Variants in MGAT5 observed in about 807,000 individuals in gnomAD.
MGAT5 encodes the protein alpha-1,6-mannosylglycoprotein 6-beta-N-acetylglucosaminyltransferase A.
Under a neutral mutation model 94.3 loss-of-function variants are expected in MGAT5, and 30 were observed. The ratio of observed to expected loss-of-function variants is 0.32; its 90% CI spans 0.24 to 0.43. The LOEUF (loss-of-function observed/expected upper bound fraction) is 0.43. Among genes scored for constraint, MGAT5 ranks in the 20% least tolerant of loss-of-function variants. MGAT5 has a pLI of 1.00. For missense variants in MGAT5, 691 were observed against 905.5 expected (o/e 0.76, Z 3.04); for synonymous variants, 310 against 322.9 (o/e 0.96, Z 0.43).
intron 1 of MGAT5, among the ~76,000 whole-genome samples, chr2:134,145,321 C>T (rs1573738824): frequency 1.3e-5 from 2 of 151,876 alleles, no homozygotes. Flanking sequence ...CTGAGGCAGG[C>T]AGATCACGAA....
At chr2:134,220,970 A>G (rs1305577280) in intron 1 of MGAT5, among the ~76,000 whole-genome samples, 1 of 151,994 alleles carries the variant, frequency 6.6e-6, no homozygotes, top group Non-Finnish European at 1.5e-5. Context: ...TTTACTTTTT[A>G]ATTAGTTTTC....
intron 1 of MGAT5, among the ~76,000 whole-genome samples, chr2:134,149,028 G>C (rs920209111): frequency 6.6e-6 from 1 of 152,102 alleles, no homozygotes; most frequent in Non-Finnish European, 1.5e-5. Flanking sequence ...GCCTTCCAAA[G>C]TGCTGGGATT....
At chr2:134,245,611 T>C (rs1682212431) in intron 1 of MGAT5, among the ~76,000 whole-genome samples, 1 of 152,214 alleles carries the variant, frequency 6.6e-6, no homozygotes, top group Non-Finnish European at 1.5e-5. Flanking sequence ...CCCTTCCTCC[T>C]CTGCTTCTCC....
chr2:134,121,069 C>A (rs1685556439), intron 1 of MGAT5, among the ~76,000 whole-genome samples: 1 of 152,166 alleles, frequency 6.6e-6, no homozygotes, highest in African/African-American at 2.4e-5. Context: ...CCACTCCCGG[C>A]CCTCAGCTCG....
intron 14 of MGAT5, among the ~76,000 whole-genome samples, chr2:134,435,544 G>A (rs1005812001): frequency 6.6e-6 from 1 of 152,086 alleles, no homozygotes; most frequent in African/African-American, 2.4e-5. Context: ...CTCCCTCGCT[G>A]AATGCAAGCC....
chr2:134,298,347 C>T (rs1685812955), intron 2 of MGAT5, among the ~76,000 whole-genome samples: 3 of 152,184 alleles, frequency 2.0e-5, no homozygotes, highest in African/African-American at 7.2e-5. Context: ...ATCTACCTGC[C>T]TCGGCCTCCC....
At position 134,295,066 on chromosome 2, in the gene MGAT5, G is replaced by A. The variant is rs181930703; in HGVS notation, c.407-22463G>A. Among the ~76,000 whole-genome samples, 5 of 152,286 alleles carry A rather than the reference G, an allele frequency of 3.3e-5. No individual in the cohort carries two copies. The East Asian group carries it at 9.7e-4, about 29-fold the overall frequency. ...ACCCTTTCTGTAGAAAGTAAAAATG[G>A]CCTTGCTAAGGAAATTAAATTTATG... On this transcript the variant is annotated intron_variant, in intron 2 of 15. Coordinates refer to ENST00000281923, the MANE Select transcript of MGAT5 (RefSeq NM_002410.5).
chr2:134,308,366 C>A (rs1343780267), intron 2 of MGAT5, among the ~76,000 whole-genome samples: 2 of 152,170 alleles, frequency 1.3e-5, no homozygotes, highest in Non-Finnish European at 2.9e-5. Flanking sequence ...ACACGATAAT[C>A]CAGTAGTGAG....
chr2:134,129,067 A>G (rs1412624725), intron 1 of MGAT5, among the ~76,000 whole-genome samples: 2 of 152,234 alleles, frequency 1.3e-5, no homozygotes, highest in African/African-American at 4.8e-5. Flanking sequence ...AAAGCCACAC[A>G]CATTTATTCT....
rs137892487 is a variant in MGAT5 at position 134,265,458 on chromosome 2, A to C, written c.242-4928A>C. On this transcript the variant is annotated intron_variant, in intron 1 of 15. Transcript: ENST00000281923. The stretch of plus-strand genomic sequence containing the variant: ...ATGGCTTCCTGGAAATGAAAACTTA[A>C]CAGAAGCTGTCAAATAACCTGTTCC... Among the ~76,000 whole-genome samples the C allele has an allele frequency of 2.9e-3, 438 of 152,296 alleles. 1 individual carries two copies. The highest frequency in any genetic ancestry group is 9.0e-3 in the African/African-American group (375 of 41,556).
intron 10 of MGAT5, among the ~76,000 whole-genome samples, chr2:134,399,554 G>A (rs991882554): frequency 3.3e-5 from 5 of 152,202 alleles, no homozygotes; most frequent in African/African-American, 1.2e-4. Flanking sequence ...AAAGCATTAG[G>A]GGGGTTGCTG....
chr2:134,119,963 G>C (rs1685483465), upstream of MGAT5: 1 of 152,356 alleles, frequency 6.6e-6, no homozygotes, highest in East Asian at 1.9e-4. Flanking sequence ...GCGGGGAGAA[G>C]TTGGTGAGGT....
rs552303070 is a variant in MGAT5 at position 134,226,208 on chromosome 2, G to GTT, written c.-142-28053_-142-28052dup. On this transcript the variant is annotated intron_variant, in intron 1 of 16. Coordinates refer to the MGAT5 transcript ENST00000409645. ...AAAGCTTTTCCTTCCAAATTGCCTA[G>GTT]TTGATGCATGGTCACTAATCCTTGT... Among the ~76,000 whole-genome samples the GTT allele has an allele frequency of 5.9e-5, 9 of 152,292 alleles. No individual in the cohort carries two copies. The East Asian group carries it at 1.7e-3, about 29-fold the overall frequency.
chr2:134,323,878 G>A (rs2105923279), intron 4 of MGAT5, among the ~76,000 whole-genome samples: 1 of 152,174 alleles, frequency 6.6e-6, no homozygotes, highest in East Asian at 1.9e-4. Context: ...CAGAACATCA[G>A]GCAGTTCATT....
intron 2 of MGAT5, among the ~76,000 whole-genome samples, chr2:134,291,569 A>G (rs570352294): frequency 2.0e-5 from 3 of 152,272 alleles, no homozygotes; most frequent in African/African-American, 7.2e-5. Flanking sequence ...CTACCTGGAA[A>G]AGCATTCATG....
chr2:134,182,780 GTTT>G (rs5834402), intron 1 of MGAT5, among the ~76,000 whole-genome samples: 13 of 87,050 alleles, frequency 1.5e-4, no homozygotes, highest in African/African-American at 5.3e-4. Flanking sequence ...TAGAAGATTA[GTTT>G]TTTTTTTTTT....
intron 2 of MGAT5, among the ~76,000 whole-genome samples, chr2:134,302,242 C>T (rs1277712263): frequency 6.6e-6 from 1 of 152,022 alleles, no homozygotes; most frequent in African/African-American, 2.4e-5. Flanking sequence ...GTTTGCCATC[C>T]CTTGTTACAG....
Position 134,349,805 on chromosome 2 carries a change from G to A in MGAT5, c.1113G>A (p.Gln371=). 1 of 1,612,772 alleles carries A rather than the reference G, an allele frequency of 6.2e-7. No individual in the cohort carries two copies. Among genetic ancestry groups the A allele is most frequent in the Non-Finnish European group, 8.5e-7 (1 of 1,179,424 alleles). ...TCAACACATTGCTTTTTTCTTTCAGGTGCATGCTCCGAGTCCTTGATTCAT... is the reference window on the plus strand; with the variant it reads ...TCAACACATTGCTTTTTTCTTTCAGATGCATGCTCCGAGTCCTTGATTCAT... ...KTLGPSWVHY[Q]CMLRVLDSFG... Residue 371 remains glutamine (Q), a splice_region_variant and synonymous_variant, in exon 9 of 16, where the codon CAG becomes CAA. Coordinates refer to ENST00000281923, the MANE Select transcript of MGAT5 (RefSeq NM_002410.5).
chr2:134,121,500 C>T (rs1380560684), intron 1 of MGAT5, among the ~76,000 whole-genome samples: 1 of 152,214 alleles, frequency 6.6e-6, no homozygotes, highest in Non-Finnish European at 1.5e-5. Flanking sequence ...GGGTGCTTGG[C>T]TCCTCAGGGC....
Sources: gnomAD v4.1 joint callset for allele counts (sites outside exome capture counted in the v4.1 genomes callset) on GRCh38, gnomAD v4.1.1 for gene constraint, MANE v1.5 for transcripts, NCBI Gene and HGNC (gene_info 2026-07-23, HGNC 2026-07-21) for gene names.